GAS2: variants seen among roughly 807,000 people sequenced by gnomAD.
The protein encoded by GAS2 is growth arrest-specific protein 2.
GAS2 carries 20 observed loss-of-function variants against 37.5 expected under a neutral mutation model. That is an observed-to-expected ratio of 0.53 (90% CI 0.37 to 0.77). The LOEUF (loss-of-function observed/expected upper bound fraction) is 0.77, where lower values mean the gene tolerates loss of function less well. GAS2 is among the 30% of genes least tolerant of loss of function. GAS2 has a pLI of 0.00. For synonymous variants in GAS2, 144 were observed against 132.2 expected, an observed-to-expected ratio of 1.09 and a Z score of -0.61; for missense variants, 336 against 373.4, an observed-to-expected ratio of 0.90 and a Z score of 0.82.
chr11:22,758,712 G>A (rs1030307135), intron 7 of GAS2, among the ~76,000 whole-genome samples: 4 of 151,980 alleles, frequency 2.6e-5, no homozygotes, highest in Non-Finnish European at 4.4e-5. Flanking sequence ...TTGGGAGTTC[G>A]AGACCAGCCT....
intron 1 of GAS2, among the ~76,000 whole-genome samples, chr11:22,637,527 A>C: frequency 3.6e-5 from 1 of 27,636 alleles, no homozygotes; most frequent in South Asian, 2.1e-3. Context: ...TAATTATATT[A>C]ATAGTATACT....
chr11:22,719,861 C>T (rs191799992), intron 3 of GAS2, among the ~76,000 whole-genome samples: 6 of 152,160 alleles, frequency 3.9e-5, no homozygotes, highest in African/African-American at 1.4e-4. Context: ...TATTCATCTA[C>T]TAAAGGACAT....
chr11:22,695,325 GAA>G (rs35423770), intron 3 of GAS2, among the ~76,000 whole-genome samples: 2 of 146,838 alleles, frequency 1.4e-5, no homozygotes, highest in African/African-American at 2.5e-5. Context: ...TTCTCAAAAA[GAA>G]AAAAAAAAGA....
chr11:22,739,572 CAAAAAAAAAAAAAA>C (rs71037525), intron 5 of GAS2, among the ~76,000 whole-genome samples: 3 of 64,650 alleles, frequency 4.6e-5, no homozygotes, highest in Admixed American at 4.8e-4. Context: ...GATTCGCTCT[CAAAAAAAAAAAAAA>C]AAAAAAAAAA....
chr11:22,720,827 C>T (rs770152439), intron 3 of GAS2, among the ~76,000 whole-genome samples: 26 of 151,950 alleles, frequency 1.7e-4, no homozygotes, highest in Non-Finnish European at 2.2e-4. Context: ...ATTTTCAGTT[C>T]GCACAATGCA....
intron 1 of GAS2, among the ~76,000 whole-genome samples, chr11:22,652,659 A>G (rs7124704): frequency 0.24 from 36,343 of 152,146 alleles, 5,677 homozygotes; most frequent in African/African-American, 0.44. Context: ...AAAGCGCAGT[A>G]TTCGGGTGGG....
chr11:22,789,369 C>CACATATATATGT (rs2134553628), intron 7 of GAS2, among the ~76,000 whole-genome samples: 1 of 96,308 alleles, frequency 1.0e-5, no homozygotes, highest in African/African-American at 3.6e-5. Flanking sequence ...TACACATATA[C>CACATATATATGT]ACATATATAT....
chr11:22,722,517 GC>G (rs1266450314), intron 3 of GAS2, among the ~76,000 whole-genome samples: 1 of 151,838 alleles, frequency 6.6e-6, no homozygotes, highest in African/African-American at 2.4e-5. Flanking sequence ...GAGTGAGTGA[GC>G]CTAAATTTCT....
At chr11:22,714,002 T>C (rs1037781961) in intron 3 of GAS2, among the ~76,000 whole-genome samples, 2 of 152,132 alleles carry the variant, frequency 1.3e-5, no homozygotes, top group Non-Finnish European at 2.9e-5. Flanking sequence ...ACAACTAGCA[T>C]GATGAATAGA....
chr11:22,789,492 T>C (rs189336782), intron 7 of GAS2, among the ~76,000 whole-genome samples: 1,638 of 122,640 alleles, frequency 0.013, 40 homozygotes, highest in African/African-American at 0.041. Flanking sequence ...GGCAGAGTCT[T>C]GCTCTGTCGC....
At chr11:22,661,806 C>A (rs139378120), upstream of GAS2, among the ~76,000 whole-genome samples, 29 of 152,180 alleles carry the variant, frequency 1.9e-4, no homozygotes, top group African/African-American at 6.5e-4. Flanking sequence ...TTAATTGAGA[C>A]CTTACCTCAC....
chr11:22,776,447 G>A (rs1277712789), intron 7 of GAS2, among the ~76,000 whole-genome samples: 1 of 152,142 alleles, frequency 6.6e-6, no homozygotes, highest in African/African-American at 2.4e-5. Context: ...CTACTAATAA[G>A]AAAGAAAATA....
chr11:22,793,975 G>C (rs1856304192), intron 7 of GAS2, among the ~76,000 whole-genome samples: 1 of 152,120 alleles, frequency 6.6e-6, no homozygotes, highest in Non-Finnish European at 1.5e-5. Flanking sequence ...TATGGTGGGG[G>C]AGGGGAATAA....
chr11:22,638,780 C>G (rs1858873383), intron 1 of GAS2, among the ~76,000 whole-genome samples: 1 of 152,102 alleles, frequency 6.6e-6, no homozygotes. Flanking sequence ...AATTACAGCT[C>G]TCTGCTTGAT....
At chr11:22,759,168 G>C (rs1248829757) in intron 7 of GAS2, among the ~76,000 whole-genome samples, 1 of 152,126 alleles carries the variant, frequency 6.6e-6, no homozygotes, top group Non-Finnish European at 1.5e-5. Flanking sequence ...AAGAATGCCT[G>C]CAAATTTCAA....
Position 22,749,251 on chromosome 11 carries a change from T to C in GAS2, c.605T>C (p.Leu202Pro). Reference sequence around the variant, plus strand: ...GGAAAAAAGAGTACAGGAAACTTACTGGATGATGCAGTAAGTAAAATCAGT... The same window carrying C: ...GGAAAAAAGAGTACAGGAAACTTACCGGATGATGCAGTAAGTAAAATCAGT... Reference protein sequence around the residue: ...SSGKKSTGNLLDDAVKRISED... With the variant: ...SSGKKSTGNLPDDAVKRISED... Residue 202 changes from leucine (L) to proline (P), a missense_variant, in exon 6 of 8, where the codon CTG (leucine) becomes CCG (proline). Leu to Pro is a moderately conservative substitution (Grantham distance 98). Transcript: ENST00000454584. 6.2e-7 allele frequency: 1 copy of C among 1,611,502 alleles called. No homozygotes were observed. Among genetic ancestry groups the C allele is most frequent in the Non-Finnish European group, 8.5e-7 (1 of 1,178,784 alleles).
At chr11:22,770,545 C>T (rs17306223) in intron 7 of GAS2, among the ~76,000 whole-genome samples, 20,606 of 152,176 alleles carry the variant, frequency 0.14, 1,588 homozygotes, top group Non-Finnish European at 0.17. Flanking sequence ...TGATATGTTT[C>T]TCTTGTAGAA....
intron 4 of GAS2, among the ~76,000 whole-genome samples, chr11:22,733,991 A>G (rs2134205339): frequency 6.6e-6 from 1 of 151,892 alleles, no homozygotes; most frequent in South Asian, 2.1e-4. Flanking sequence ...TAATGTAACT[A>G]GATGTTCTTT....
intron 3 of GAS2, among the ~76,000 whole-genome samples, chr11:22,702,945 T>A (rs1347712583): frequency 1.3e-5 from 2 of 152,198 alleles, no homozygotes; most frequent in Non-Finnish European, 2.9e-5. Context: ...TTGTTCTTTT[T>A]GTCTGTGAGC....
Sources: gnomAD v4.1 joint callset for allele counts (sites outside exome capture counted in the v4.1 genomes callset) on GRCh38, gnomAD v4.1.1 for gene constraint, MANE v1.5 for transcripts, NCBI Gene and HGNC (gene_info 2026-07-23, HGNC 2026-07-21) for gene names.